PPFIA2: variants seen among roughly 807,000 people sequenced by gnomAD.
The protein encoded by PPFIA2 is liprin-alpha-2.
PPFIA2 carries 46 observed loss-of-function variants against 175.5 expected under a neutral mutation model. The observed-to-expected ratio is 0.26, with a 90% CI of 0.21 to 0.34. The LOEUF (loss-of-function observed/expected upper bound fraction) is 0.34. PPFIA2 is among the 10% of genes least tolerant of loss of function. The probability of loss-of-function intolerance (pLI) is 1.00; values close to 1 mark genes in which losing one functional copy is unlikely to be tolerated. For missense variants in PPFIA2, 1,179 were observed against 1,506.1 expected (o/e 0.78, Z 3.60); for synonymous variants, 568 against 511.4 (o/e 1.11, Z -1.49).
At chr12:81,666,939 C>G (rs966561354) in intron 4 of PPFIA2, among the ~76,000 whole-genome samples, 4 of 152,012 alleles carry the variant, frequency 2.6e-5, no homozygotes, top group African/African-American at 7.2e-5. Context: ...AAATTGAAAT[C>G]AAAGGTTTAT....
intron 4 of PPFIA2, among the ~76,000 whole-genome samples, chr12:81,674,422 C>T (rs745753971): frequency 2.0e-5 from 3 of 152,164 alleles, no homozygotes; most frequent in South Asian, 2.1e-4. Context: ...AAAAAATACA[C>T]TTTGGGAGGC....
chr12:81,477,099 G>T (rs941836054), intron 4 of PPFIA2, among the ~76,000 whole-genome samples: 1 of 152,128 alleles, frequency 6.6e-6, no homozygotes, highest in East Asian at 1.9e-4. Context: ...AATAGCTAAT[G>T]TATGCTGTGC....
chr12:81,752,794 A>G (rs1287413481), intron 3 of PPFIA2, among the ~76,000 whole-genome samples: 1 of 152,192 alleles, frequency 6.6e-6, no homozygotes, highest in Admixed American at 6.5e-5. Context: ...TCAACTCTTT[A>G]ACATTTAGTA....
chr12:81,428,645 G>A (rs1011139247), intron 7 of PPFIA2, among the ~76,000 whole-genome samples: 1 of 151,710 alleles, frequency 6.6e-6, no homozygotes, highest in Non-Finnish European at 1.5e-5. Flanking sequence ...ATAGGTCTTT[G>A]TAAATAACTA....
At chr12:81,456,051 G>A (rs2053522617) in intron 5 of PPFIA2, among the ~76,000 whole-genome samples, 1 of 152,148 alleles carries the variant, frequency 6.6e-6, no homozygotes. Context: ...CCAAAGCTTT[G>A]TATTTCCCTG....
intron 4 of PPFIA2, among the ~76,000 whole-genome samples, chr12:81,483,894 T>C (rs773301118): frequency 2.6e-5 from 4 of 152,202 alleles, no homozygotes; most frequent in South Asian, 2.1e-4. Flanking sequence ...AAGTATTTTA[T>C]AGAATCACCC....
intron 4 of PPFIA2, among the ~76,000 whole-genome samples, chr12:81,614,555 G>C (rs892593665): frequency 1.3e-5 from 2 of 152,068 alleles, no homozygotes; most frequent in African/African-American, 4.8e-5. Context: ...CAAAACTGTG[G>C]AGTAGACTAA....
rs193020807 is a variant in PPFIA2, at chr12:81,639,680, T to A, written c.303+37111A>T. ...GTGTTTTTCATAAAAGTTATAAATG[T>A]TTTCTTAATTGATAAACAATATCAT... On this transcript the variant is annotated intron_variant, in intron 4 of 32. Coordinates refer to ENST00000549396, the MANE Select transcript of PPFIA2 (RefSeq NM_003625.5). 3.9e-4 allele frequency among the ~76,000 whole-genome samples: 60 copies of A among 152,276 alleles called. No individual in the cohort carries two copies. In the East Asian group the frequency reaches 0.011, roughly 28 times the overall value.
At chr12:81,464,956 G>GA (rs199558518) in intron 4 of PPFIA2, among the ~76,000 whole-genome samples, 2,104 of 151,050 alleles carry the variant, frequency 0.014, 21 homozygotes, top group Non-Finnish European at 0.021. Context: ...GTTTAATTGA[G>GA]AAAAAAAATG....
At chr12:81,471,021 G>T (rs12819550) in intron 4 of PPFIA2, 1 of 152,098 alleles carries the variant, frequency 6.6e-6, no homozygotes, top group East Asian at 1.9e-4. Context: ...TTCTGTAACT[G>T]ACTTATTTCC....
chr12:81,481,501 GC>G (rs1333537494), intron 4 of PPFIA2, among the ~76,000 whole-genome samples: 1 of 152,072 alleles, frequency 6.6e-6, no homozygotes. Context: ...ATGCTACAAG[GC>G]TACAGTAACC....
intron 19 of PPFIA2, among the ~76,000 whole-genome samples, chr12:81,344,027 C>A (rs2058616523): frequency 6.6e-6 from 1 of 152,060 alleles, no homozygotes; most frequent in African/African-American, 2.4e-5. Flanking sequence ...ACCTGTGGGC[C>A]AGGCTGAGAC....
chr12:81,335,048 C>G (rs2056880328), intron 21 of PPFIA2, among the ~76,000 whole-genome samples: 1 of 152,104 alleles, frequency 6.6e-6, no homozygotes, highest in Non-Finnish European at 1.5e-5. Flanking sequence ...GTTTCAGTAG[C>G]AGTGTGTTTG....
chr12:81,494,178 T>G (rs528138274), intron 4 of PPFIA2, among the ~76,000 whole-genome samples: 6 of 151,812 alleles, frequency 4.0e-5, no homozygotes, highest in African/African-American at 1.5e-4. Context: ...GGGAAAAAAT[T>G]TTCGCAACCT....
intron 11 of PPFIA2, among the ~76,000 whole-genome samples, chr12:81,370,726 C>A (rs573748590): frequency 5.3e-5 from 8 of 151,984 alleles, no homozygotes; most frequent in African/African-American, 1.9e-4. Flanking sequence ...GAGTGTTCAA[C>A]ACATGTGACA....
intron 4 of PPFIA2, among the ~76,000 whole-genome samples, chr12:81,606,208 T>C (rs949824194): frequency 1.3e-5 from 2 of 152,048 alleles, no homozygotes; most frequent in African/African-American, 2.4e-5. Flanking sequence ...ATTTTCGCTA[T>C]CCAGTCCACC....
At chr12:81,391,310 G>C (rs989994497) in intron 8 of PPFIA2, among the ~76,000 whole-genome samples, 5 of 151,822 alleles carry the variant, frequency 3.3e-5, no homozygotes, top group Non-Finnish European at 7.4e-5. Context: ...GCAAAGGGAG[G>C]GGGATATCCC....
At chr12:81,403,626 G>A (rs1204537422) in intron 8 of PPFIA2, among the ~76,000 whole-genome samples, 1 of 152,136 alleles carries the variant, frequency 6.6e-6, no homozygotes, top group Non-Finnish European at 1.5e-5. Context: ...AGTTGGGCAA[G>A]TGGACTCAAG....
At chr12:81,458,548 A>G (rs2053984207) in intron 4 of PPFIA2, among the ~76,000 whole-genome samples, 1 of 152,126 alleles carries the variant, frequency 6.6e-6, no homozygotes, top group Non-Finnish European at 1.5e-5. Flanking sequence ...GTTGATAGAA[A>G]TAGGTCATAT....
Sources: gnomAD v4.1 joint callset for allele counts (sites outside exome capture counted in the v4.1 genomes callset) on GRCh38, gnomAD v4.1.1 for gene constraint, MANE v1.5 for transcripts, NCBI Gene and HGNC (gene_info 2026-07-23, HGNC 2026-07-21) for gene names.